PTPRG: variants seen among roughly 807,000 people sequenced by gnomAD.
PTPRG encodes the protein receptor-type tyrosine-protein phosphatase gamma.
In PTPRG, 102 loss-of-function variants were observed where a neutral mutation model predicts 165.3. The observed-to-expected ratio is 0.62, with a 90% CI of 0.53 to 0.73. The LOEUF (loss-of-function observed/expected upper bound fraction) is 0.73, where lower values mean the gene tolerates loss of function less well. PTPRG is among the 30% of genes least tolerant of loss of function. The probability of loss-of-function intolerance (pLI) is 0.00; values close to 1 mark genes in which losing one functional copy is unlikely to be tolerated. For missense variants in PTPRG, 1,866 were observed against 1,861.4 expected (o/e 1.00, Z -0.05); for synonymous variants, 675 against 669.5 (o/e 1.01, Z -0.13).
intron 4 of PTPRG, among the ~76,000 whole-genome samples, chr3:62,014,734 G>GTC (rs2041500525): frequency 6.6e-6 from 1 of 152,140 alleles, no homozygotes; most frequent in Admixed American, 6.5e-5. Flanking sequence ...CTGATTGCCT[G>GTC]TCTCTATCTC....
intron 4 of PTPRG, among the ~76,000 whole-genome samples, chr3:62,035,451 A>T (rs1699909754): frequency 6.6e-6 from 1 of 152,056 alleles, no homozygotes; most frequent in Non-Finnish European, 1.5e-5. Flanking sequence ...GTGTCAGTAG[A>T]TGAAATGATT....
chr3:61,885,288 A>G (rs1406603791), intron 2 of PTPRG, among the ~76,000 whole-genome samples: 3 of 152,168 alleles, frequency 2.0e-5, no homozygotes, highest in Non-Finnish European at 4.4e-5. Flanking sequence ...GTTTCAAAAA[A>G]CCACCTGTGT....
rs1347711732 is a variant in PTPRG, at chr3:62,219,158, C to T, written c.2288+175C>T. 6.6e-6 allele frequency among the ~76,000 whole-genome samples: 1 copy of T among 152,184 alleles called. No homozygotes were observed. The highest frequency in any genetic ancestry group is 1.5e-5 in the Non-Finnish European group (1 of 68,034). ...CTGTTAGATGATGGCAGGGCCAGAT[C>T]CACTTTTGAGGTCAAGGCATTTATG... On this transcript the variant is annotated intron_variant, in intron 13 of 29. Coordinates refer to ENST00000474889, the MANE Select transcript of PTPRG (RefSeq NM_002841.4). This position sits in a 1 kb window ranked among gnomAD's most constrained non-coding sequence, Gnocchi z 4.5.
chr3:61,774,522 A>G (rs1007622419), intron 2 of PTPRG, among the ~76,000 whole-genome samples: 1 of 152,210 alleles, frequency 6.6e-6, no homozygotes, highest in Non-Finnish European at 1.5e-5. Context: ...GTAGCACCAG[A>G]GGACAAGAAG....
At chr3:62,176,328 G>T (rs190021520) in intron 8 of PTPRG, among the ~76,000 whole-genome samples, 1 of 152,144 alleles carries the variant, frequency 6.6e-6, no homozygotes, top group Admixed American at 6.5e-5. Context: ...GGTGTCTAAC[G>T]TTCAGAGAGG....
intron 2 of PTPRG, among the ~76,000 whole-genome samples, chr3:61,842,143 C>G (rs896646533): frequency 6.6e-6 from 1 of 152,236 alleles, no homozygotes; most frequent in Non-Finnish European, 1.5e-5. Context: ...ATGAGCCTGT[C>G]TCTGAGTATG....
intron 1 of PTPRG, among the ~76,000 whole-genome samples, chr3:61,685,202 T>C (rs944667511): frequency 3.3e-5 from 5 of 152,224 alleles, no homozygotes; most frequent in African/African-American, 9.6e-5. Context: ...TTTGGAATTA[T>C]CAGTGGAGGC....
At chr3:61,854,566 G>A (rs188711124) in intron 2 of PTPRG, among the ~76,000 whole-genome samples, 2 of 152,054 alleles carry the variant, frequency 1.3e-5, no homozygotes. Flanking sequence ...TTTTTAAAAC[G>A]TGCACTATTA....
chr3:61,960,293 A>T (rs1481078934), intron 2 of PTPRG, among the ~76,000 whole-genome samples: 1 of 151,748 alleles, frequency 6.6e-6, no homozygotes, highest in Non-Finnish European at 1.5e-5. Context: ...TCTGGCTGTC[A>T]TGCATCTCCT....
intron 1 of PTPRG, among the ~76,000 whole-genome samples, chr3:61,626,093 A>G (rs1050249012): frequency 3.3e-5 from 5 of 152,016 alleles, no homozygotes; most frequent in African/African-American, 1.2e-4. Context: ...AATAAAAGGC[A>G]TAATTGAAAT....
At chr3:62,281,537 G>GGTTTTTTTTTTTTTTTTTTTTTT in intron 26 of PTPRG, 26 bp from the exon 27 acceptor site, 3 of 174,772 alleles carry the variant, frequency 1.7e-5, no homozygotes, top group Non-Finnish European at 2.5e-5. Flanking sequence ...AACTGCAGAG[G>GGTTTTTTTTTTTTTTTTTTTTTT]CTTTTTTTTT....
rs781457800 is a variant in PTPRG, at chr3:62,130,040, A to G, written c.616-2562A>G. On this transcript the variant is annotated intron_variant, in intron 5 of 29. Coordinates refer to ENST00000474889, the MANE Select transcript of PTPRG (RefSeq NM_002841.4). ...AACTAATGGCTAAATTTTGCTGTGTACCAAATGATTCCAGTTAGTTAAAAC... is the reference window on the plus strand; with the variant it reads ...AACTAATGGCTAAATTTTGCTGTGTGCCAAATGATTCCAGTTAGTTAAAAC... 9.8e-5 allele frequency among the ~76,000 whole-genome samples: 15 copies of G among 152,330 alleles called. 1 individual carries two copies. The highest frequency in any genetic ancestry group is 4.1e-4 in the South Asian group (2 of 4,824).
chr3:62,278,041 G>C (rs1702293392), intron 26 of PTPRG, among the ~76,000 whole-genome samples: 2 of 152,086 alleles, frequency 1.3e-5, no homozygotes, highest in African/African-American at 4.8e-5. Context: ...CAGGTACTGA[G>C]TATGTAACTG....
chr3:61,610,426 G>A (rs1246725550), intron 1 of PTPRG, among the ~76,000 whole-genome samples: 1 of 152,104 alleles, frequency 6.6e-6, no homozygotes, highest in African/African-American at 2.4e-5. Context: ...ATTTACTGCT[G>A]AATATAAAAA....
intron 28 of PTPRG, among the ~76,000 whole-genome samples, chr3:62,287,523 A>AAGAT (rs1023044168): frequency 1.3e-4 from 20 of 152,194 alleles, no homozygotes; most frequent in African/African-American, 3.4e-4. Flanking sequence ...AAAAACTTAA[A>AAGAT]AGATAGGATA....
At chr3:62,040,485 T>C (rs7647041) in intron 4 of PTPRG, among the ~76,000 whole-genome samples, 130,940 of 152,246 alleles carry the variant, frequency 0.86, 57,050 homozygotes, top group Non-Finnish European at 0.92. Context: ...GACAGAGTCT[T>C]ACTCTGTTAC....
intron 8 of PTPRG, among the ~76,000 whole-genome samples, chr3:62,188,620 C>T (rs1699724042): frequency 1.3e-5 from 2 of 152,106 alleles, no homozygotes; most frequent in African/African-American, 4.8e-5. Flanking sequence ...TTAATGCACA[C>T]AGAAAAACCC....
chr3:62,217,387 C>A lies in PTPRG; in HGVS notation c.2156-1464C>A, dbSNP rs1700537982. The stretch of plus-strand genomic sequence containing the variant: ...CAACATCAAATGCATTAGAGGAAAT[C>A]CAGTGAAACGCATCGTAACACACTT... On this transcript the variant is annotated intron_variant, in intron 12 of 29. Transcript: ENST00000474889. The surrounding 1 kb of genome is among the most constrained non-coding windows in gnomAD (Gnocchi z 4.3). Among the ~76,000 whole-genome samples the A allele has an allele frequency of 6.6e-6, 1 of 152,198 alleles. No homozygotes were observed.
At chr3:61,899,922 A>G (rs773732557) in intron 2 of PTPRG, among the ~76,000 whole-genome samples, 1 of 152,222 alleles carries the variant, frequency 6.6e-6, no homozygotes, top group Non-Finnish European at 1.5e-5. Context: ...CTTCTGAAAG[A>G]GGAGGCATAA....
Sources: gnomAD v4.1 joint callset for allele counts (sites outside exome capture counted in the v4.1 genomes callset) on GRCh38, gnomAD v4.1.1 for gene constraint, Gnocchi (gnomAD v3.1) non-coding constraint, MANE v1.5 for transcripts, NCBI Gene and HGNC (gene_info 2026-07-23, HGNC 2026-07-21) for gene names.